The following PDE4C variants were observed in gnomAD, a reference collection of about 807,000 sequenced individuals.
The protein encoded by PDE4C is 3',5'-cyclic-AMP phosphodiesterase 4C.
In PDE4C, 50 loss-of-function variants were observed where a neutral mutation model predicts 63.9. The ratio of observed to expected loss-of-function variants is 0.78; its 90% CI spans 0.62 to 0.99. The LOEUF (loss-of-function observed/expected upper bound fraction) is 0.99, where lower values mean the gene tolerates loss of function less well. Ranked by LOEUF, PDE4C falls within the 50% of genes least tolerant of loss-of-function variation. PDE4C has a pLI of 0.00. For missense variants in PDE4C, 777 were observed against 899.1 expected (o/e 0.86, Z 1.74); for synonymous variants, 377 against 385.1 (o/e 0.98, Z 0.25).
exon 13 of PDE4C, chr19:18,213,396 A>T: frequency 3.7e-6 from 6 of 1,613,910 alleles, no homozygotes; most frequent in Non-Finnish European, 5.1e-6. Context: ...GTTGTCCAGG[A>T]GGAGGACACC....
exon 4 of PDE4C, chr19:18,221,130 G>T (rs772172919): frequency 9.4e-6 from 15 of 1,590,994 alleles, no homozygotes; most frequent in Non-Finnish European, 1.3e-5. Flanking sequence ...CATTGCTGGC[G>T]GGCAAGGGCC....
At chr19:18,236,866 G>A (rs1968960428), upstream of PDE4C, 1 of 152,756 alleles carries the variant, frequency 6.5e-6, no homozygotes, top group Non-Finnish European at 1.5e-5. Context: ...ACCTATCTGG[G>A]ACCACGCTGT....
At chr19:18,213,410 G>A (rs780785976) in exon 13 of PDE4C, 1 of 1,613,914 alleles carries the variant, frequency 6.2e-7, no homozygotes, top group Non-Finnish European at 8.5e-7. Flanking sequence ...GGACACCGAG[G>A]CTTGTCACCT....
chr19:18,212,697 T>C (rs1968011336), intron 13 of PDE4C, among the ~76,000 whole-genome samples: 1 of 150,792 alleles, frequency 6.6e-6, no homozygotes, highest in Non-Finnish European at 1.5e-5. Context: ...TTGTTTTGGC[T>C]TGTTTTTTTG....
chr19:18,213,986 C>T (rs559620723), intron 12 of PDE4C, among the ~76,000 whole-genome samples: 2 of 152,310 alleles, frequency 1.3e-5, no homozygotes, highest in African/African-American at 4.8e-5. Context: ...AGGCTGGGCG[C>T]CGTGGCTCAC....
chr19:18,221,071 G>GCCCCCCCC, intron 4 of PDE4C, 34 bp downstream of exon 4: 23 of 776,474 alleles, frequency 3.0e-5, no homozygotes, highest in African/African-American at 5.7e-5. Context: ...GTCTCTGCCG[G>GCCCCCCCC]CCCCGCCCCC....
At chr19:18,233,430 G>T (rs2148055570) in exon 1 of PDE4C, 1 of 698,058 alleles carries the variant, frequency 1.4e-6, no homozygotes, top group African/African-American at 1.8e-5. Flanking sequence ...AGAAGAACGT[G>T]GTGAGGGGGT....
upstream of PDE4C, chr19:18,250,330 G>C (rs1273311708): frequency 7.5e-6 from 3 of 399,008 alleles, no homozygotes; most frequent in Non-Finnish European, 1.3e-5. Flanking sequence ...CCTCGTCCAG[G>C]TTCTCAAACT....
At chr19:18,249,691 G>A (rs993651697), upstream of PDE4C, among the ~76,000 whole-genome samples, 2 of 151,614 alleles carry the variant, frequency 1.3e-5, no homozygotes, top group African/African-American at 4.9e-5. Context: ...CTCTGCCTCA[G>A]CCTCCTGAGT....
At chr19:18,246,364 AT>A (rs2148074127) in intron 1 of PDE4C, among the ~76,000 whole-genome samples, 1 of 136,508 alleles carries the variant, frequency 7.3e-6, no homozygotes, top group South Asian at 2.5e-4. Context: ...TTTTTTTTTA[AT>A]AGAGATAGGG....
At chr19:18,223,860 T>A (rs1250882758) in intron 1 of PDE4C, among the ~76,000 whole-genome samples, 1 of 152,106 alleles carries the variant, frequency 6.6e-6, no homozygotes, top group Non-Finnish European at 1.5e-5. Flanking sequence ...TGCGCCTTAG[T>A]CTAGAGAGAC....
chr19:18,218,897 AC>A, intron 9 of PDE4C, 42 bp downstream of exon 9: 1 of 1,380,766 alleles, frequency 7.2e-7, no homozygotes, highest in Non-Finnish European at 1.0e-6. Flanking sequence ...AGTGAGGGAA[AC>A]CCCAGGAGTT....
upstream of PDE4C, chr19:18,252,525 G>A (rs1969242773): frequency 2.5e-6 from 1 of 398,772 alleles, no homozygotes; most frequent in Non-Finnish European, 4.4e-6. Flanking sequence ...AGCACTTTGA[G>A]AGGTCAAGGT....
chr19:18,247,748 T>C (rs188495726), intron 1 of PDE4C, among the ~76,000 whole-genome samples: 1 of 152,262 alleles, frequency 6.6e-6, no homozygotes, highest in Non-Finnish European at 1.5e-5. Flanking sequence ...GAAATGGTTC[T>C]GAGACCTCCA....
downstream of PDE4C, chr19:18,208,913 TTG>T (rs887629582): frequency 7.2e-5 from 11 of 151,860 alleles, no homozygotes; most frequent in East Asian, 7.8e-4. Context: ...AGAGGGAAAA[TTG>T]TGTGTTTTTG....
chr19:18,249,962 G>A (rs1466309870), upstream of PDE4C: 3 of 395,974 alleles, frequency 7.6e-6, no homozygotes, highest in African/African-American at 6.2e-5. Flanking sequence ...CCCCAGCACA[G>A]AGCCCAGCAC....
upstream of PDE4C, among the ~76,000 whole-genome samples, chr19:18,226,710 A>G (rs909749269): frequency 9.1e-5 from 13 of 143,100 alleles, no homozygotes; most frequent in African/African-American, 3.4e-4. Context: ...GGCTCAAGGG[A>G]TCCTCCTACC....
intron 1 of PDE4C, among the ~76,000 whole-genome samples, chr19:18,241,335 C>G (rs1969034716): frequency 7.9e-6 from 1 of 127,232 alleles, no homozygotes; most frequent in South Asian, 2.6e-4. Flanking sequence ...GGCGCGATCT[C>G]GGCTCACTGC....
chr19:18,216,802 T>A, exon 12 of PDE4C: 3 of 1,614,092 alleles, frequency 1.9e-6, no homozygotes, highest in Non-Finnish European at 2.5e-6. Flanking sequence ...CTGGAAGATA[T>A]CGCAGTTCTC....
Sources: allele counts gnomAD v4.1 joint callset (sites outside exome capture counted in the v4.1 genomes callset), GRCh38; gene constraint gnomAD v4.1.1; transcripts MANE v1.5; gene names NCBI Gene and HGNC (gene_info 2026-07-23, HGNC 2026-07-21).